Variants in ACOXL observed in about 807,000 individuals in gnomAD.
ACOXL encodes the protein acyl-coenzyme A oxidase-like protein.
A neutral mutation model predicts 71.9 loss-of-function variants in ACOXL; 70 were observed. The ratio of observed to expected loss-of-function variants is 0.97; its 90% CI spans 0.80 to 1.19. The LOEUF is 1.19. ACOXL is among the 50% of genes most tolerant of loss of function. The pLI is 0.00. For synonymous variants in ACOXL, 253 were observed against 281.6 expected, an observed-to-expected ratio of 0.90 and a Z score of 1.02; for missense variants, 703 against 736.3, an observed-to-expected ratio of 0.95 and a Z score of 0.52.
At chr2:111,001,506 G>C (rs1210740905) in intron 14 of ACOXL, among the ~76,000 whole-genome samples, 1 of 152,210 alleles carries the variant, frequency 6.6e-6, no homozygotes, top group Non-Finnish European at 1.5e-5. Flanking sequence ...GGAGCCAAGG[G>C]TCACAGAGAA....
At chr2:111,080,361 T>A (rs1242408393) in intron 16 of ACOXL, among the ~76,000 whole-genome samples, 1 of 152,218 alleles carries the variant, frequency 6.6e-6, no homozygotes, top group Non-Finnish European at 1.5e-5. Context: ...CATTTAGTGG[T>A]ATAAATTTCC....
intron 12 of ACOXL, among the ~76,000 whole-genome samples, chr2:110,970,318 T>C (rs773802517): frequency 6.6e-6 from 1 of 152,258 alleles, no homozygotes; most frequent in South Asian, 2.1e-4. Context: ...ATCTCTGATA[T>C]GCAAGTATGC....
intron 1 of ACOXL, among the ~76,000 whole-genome samples, chr2:110,738,489 G>A (rs1231280632): frequency 6.6e-6 from 1 of 152,148 alleles, no homozygotes; most frequent in Non-Finnish European, 1.5e-5. Context: ...AGAGTTCTAG[G>A]CTGGAAATAA....
chr2:110,848,411 T>C (rs1692178691), intron 10 of ACOXL, among the ~76,000 whole-genome samples: 2 of 152,130 alleles, frequency 1.3e-5, no homozygotes, highest in African/African-American at 4.8e-5. Flanking sequence ...TTTTGGATGG[T>C]TGCGTTTTTG....
intron 16 of ACOXL, among the ~76,000 whole-genome samples, chr2:111,050,793 G>A (rs1290717400): frequency 2.6e-5 from 4 of 152,244 alleles, no homozygotes; most frequent in African/African-American, 4.8e-5. Flanking sequence ...TGGCCTCCCC[G>A]ACTTGGGATG....
intron 10 of ACOXL, among the ~76,000 whole-genome samples, chr2:110,888,563 A>C (rs567065713): frequency 4.6e-5 from 7 of 152,216 alleles, no homozygotes; most frequent in African/African-American, 1.4e-4. Context: ...GACCCTGACT[A>C]ATAGGGCCCA....
At chr2:111,027,580 A>T (rs2065075771) in intron 14 of ACOXL, among the ~76,000 whole-genome samples, 1 of 152,022 alleles carries the variant, frequency 6.6e-6, no homozygotes, top group African/African-American at 2.4e-5. Context: ...TCAGCCTCCC[A>T]AAGTGCTGGG....
At chr2:111,097,973 T>C (rs2068901259) in intron 17 of ACOXL, among the ~76,000 whole-genome samples, 1 of 152,202 alleles carries the variant, frequency 6.6e-6, no homozygotes, top group South Asian at 2.1e-4. Flanking sequence ...GAATAGATTA[T>C]GGAAGAGAGA....
At chr2:110,893,184 A>G (rs2058861451) in intron 10 of ACOXL, among the ~76,000 whole-genome samples, 1 of 152,242 alleles carries the variant, frequency 6.6e-6, no homozygotes, top group Non-Finnish European at 1.5e-5. Context: ...AGCTAAAACT[A>G]TGTCACAGTA....
intron 15 of ACOXL, among the ~76,000 whole-genome samples, chr2:111,043,596 T>C (rs903421523): frequency 5.9e-5 from 9 of 152,024 alleles, no homozygotes; most frequent in African/African-American, 2.2e-4. Context: ...AAGGGGCCCC[T>C]GGCCAGGAGC....
rs553496746 is a variant in ACOXL, at chr2:111,043,369, G to A, written c.1370-5849G>A. ...AAAGCCAGAGTTCTTTCTGCAAAACGAAGCCTTTTTGTTTCTCTCTCTCTC... is the reference window on the plus strand; with the variant it reads ...AAAGCCAGAGTTCTTTCTGCAAAACAAAGCCTTTTTGTTTCTCTCTCTCTC... On this transcript the variant is annotated intron_variant, in intron 15 of 17. Coordinates refer to ENST00000439055, the MANE Select transcript of ACOXL (RefSeq NM_001142807.4). 1.6e-4 allele frequency among the ~76,000 whole-genome samples: 24 copies of A among 152,340 alleles called. No homozygotes were observed. In the South Asian group the frequency reaches 5.0e-3, roughly 32 times the overall value.
chr2:111,092,142 G>A (rs1272446248), intron 16 of ACOXL, among the ~76,000 whole-genome samples: 2 of 152,198 alleles, frequency 1.3e-5, no homozygotes, highest in African/African-American at 4.8e-5. Context: ...AAGGGGAATA[G>A]GTGGGAGCAG....
chr2:110,801,191 G>A (rs1284640630), intron 7 of ACOXL, among the ~76,000 whole-genome samples: 1 of 152,144 alleles, frequency 6.6e-6, no homozygotes, highest in Non-Finnish European at 1.5e-5. Flanking sequence ...GTAGGCATTT[G>A]CTGTCAACAG....
At chr2:110,868,330 C>T (rs1160036931) in intron 10 of ACOXL, among the ~76,000 whole-genome samples, 1 of 152,172 alleles carries the variant, frequency 6.6e-6, no homozygotes, top group Non-Finnish European at 1.5e-5. Flanking sequence ...TCATTTGTGG[C>T]ACCAGAGTCT....
chr2:111,018,443 A>G (rs2064570256), intron 14 of ACOXL, among the ~76,000 whole-genome samples: 1 of 152,216 alleles, frequency 6.6e-6, no homozygotes, highest in Non-Finnish European at 1.5e-5. Flanking sequence ...CGTGAAGCCC[A>G]TCAGTATCCC....
At chr2:111,085,046 T>C (rs1051421854) in intron 16 of ACOXL, among the ~76,000 whole-genome samples, 2 of 152,166 alleles carry the variant, frequency 1.3e-5, no homozygotes, top group East Asian at 1.9e-4. Flanking sequence ...TAAATGTATA[T>C]GTACACAACA....
chr2:110,906,606 C>T (rs1441895195), intron 10 of ACOXL, among the ~76,000 whole-genome samples: 1 of 124,960 alleles, frequency 8.0e-6, no homozygotes, highest in Non-Finnish European at 1.7e-5. Flanking sequence ...AAAAAAAAAC[C>T]AACCTAACAA....
At chr2:111,039,005 T>G (rs2065653382) in intron 15 of ACOXL, among the ~76,000 whole-genome samples, 1 of 152,198 alleles carries the variant, frequency 6.6e-6, no homozygotes, top group African/African-American at 2.4e-5. Flanking sequence ...GCCATCTTCT[T>G]TAAAGGTGCC....
Position 111,031,642 on chromosome 2 carries a change from G to A in ACOXL, c.1297G>A (p.Glu433Lys). ...GATTGGACAGGTAAAGACCAAGAAG[G>A]AGGATTTTTTCCATGCCTGGAACTC... is the stretch of plus-strand genomic sequence containing the variant. The part of the protein sequence containing the change: ...RIYYKVKTKK[E>K]DFFHAWNSCL... The change falls in exon 15 of 18, where the codon GAG becomes AAG. Residue 433 changes from glutamate (E) to lysine (K), a missense_variant. Glu to Lys is a moderately conservative substitution (Grantham distance 56, BLOSUM62 1). Transcript: ENST00000439055. The A allele has an allele frequency of 6.2e-7, 1 of 1,614,198 alleles. No individual in the cohort carries two copies. Among genetic ancestry groups the A allele is most frequent in the Non-Finnish European group, 8.5e-7 (1 of 1,180,038 alleles).
Sources: allele counts gnomAD v4.1 joint callset (sites outside exome capture counted in the v4.1 genomes callset), GRCh38; gene constraint gnomAD v4.1.1; transcripts MANE v1.5; gene names NCBI Gene and HGNC (gene_info 2026-07-23, HGNC 2026-07-21).